Variants in AP2B1 observed in about 807,000 individuals in gnomAD.
AP2B1 encodes the protein adaptor related protein complex 2 subunit beta 1, also known as AP-2 complex subunit beta.
In AP2B1, 23 loss-of-function variants were observed where a neutral mutation model predicts 102.0. That is an observed-to-expected ratio of 0.23 (90% CI 0.16 to 0.32). The LOEUF (loss-of-function observed/expected upper bound fraction) is 0.32. AP2B1 is among the 10% of genes least tolerant of loss of function. The probability of loss-of-function intolerance (pLI) is 1.00; values close to 1 mark genes in which losing one functional copy is unlikely to be tolerated. For missense variants in AP2B1, 541 were observed against 1,157.4 expected, an observed-to-expected ratio of 0.47 and a Z score of 7.73; for synonymous variants, 381 against 421.2, an observed-to-expected ratio of 0.90 and a Z score of 1.17.
intron 12 of AP2B1, among the ~76,000 whole-genome samples, chr17:35,645,799 A>C (rs888819032): frequency 2.0e-5 from 3 of 152,220 alleles, no homozygotes; most frequent in Non-Finnish European, 4.4e-5. Context: ...CAGTGAGCCA[A>C]GATCGTGCCA....
At chr17:35,610,633 T>C (rs529356896) in intron 5 of AP2B1, among the ~76,000 whole-genome samples, 53 of 151,554 alleles carry the variant, frequency 3.5e-4, no homozygotes, top group Admixed American at 1.3e-3. Flanking sequence ...TGGGGCCGGG[T>C]GCAGTGGCTC....
intron 18 of AP2B1, among the ~76,000 whole-genome samples, chr17:35,708,045 C>G (rs1327554394): frequency 6.6e-6 from 1 of 152,126 alleles, no homozygotes; most frequent in Non-Finnish European, 1.5e-5. Context: ...ACTGGAAGTA[C>G]TTTAGAAAGA....
chr17:35,629,388 T>G (rs1387343563), intron 9 of AP2B1, among the ~76,000 whole-genome samples: 1 of 152,190 alleles, frequency 6.6e-6, no homozygotes, highest in Middle Eastern at 3.2e-3. Context: ...GTCCTCTGTC[T>G]TCTTGTTTTT....
chr17:35,594,040 T>TC lies in AP2B1; in HGVS notation c.12dup (p.Lys5GlnfsTer7). On this transcript the variant is annotated frameshift_variant, in exon 2 of 22. Coordinates refer to ENST00000610402, the MANE Select transcript of AP2B1 (RefSeq NM_001030006.2). LOFTEE classifies it high-confidence loss of function. ...TTAAAGATCCAAAGTCATGACTGAC[T>TC]CCAAGTATTTCACAACCAATAAAAA... 1 of 1,591,662 alleles carries TC rather than the reference T, an allele frequency of 6.3e-7. No homozygotes were observed. Among genetic ancestry groups the TC allele is most frequent in the East Asian group, 2.3e-5 (1 of 43,910 alleles).
intron 5 of AP2B1, among the ~76,000 whole-genome samples, chr17:35,612,940 T>G (rs566224324): frequency 6.6e-6 from 1 of 151,578 alleles, no homozygotes; most frequent in Non-Finnish European, 1.5e-5. Flanking sequence ...GTGTTTACGT[T>G]TGAATACATA....
At chr17:35,661,426 A>C (rs531984640) in intron 14 of AP2B1, among the ~76,000 whole-genome samples, 1 of 152,222 alleles carries the variant, frequency 6.6e-6, no homozygotes, top group African/African-American at 2.4e-5. Flanking sequence ...CTGATCTCTA[A>C]GCCAAGACAG....
chr17:35,653,664 T>C (rs963365702), intron 13 of AP2B1, among the ~76,000 whole-genome samples: 2 of 152,028 alleles, frequency 1.3e-5, no homozygotes, highest in Non-Finnish European at 2.9e-5. Context: ...TTAGTAGAGG[T>C]AGGGTTTCAC....
At chr17:35,636,113 T>C (rs566680733) in intron 9 of AP2B1, among the ~76,000 whole-genome samples, 2 of 152,304 alleles carry the variant, frequency 1.3e-5, no homozygotes, top group Non-Finnish European at 2.9e-5. Flanking sequence ...CATCCTTTTG[T>C]TTGTATTCAA....
intron 13 of AP2B1, chr17:35,651,131 A>G (rs2075075718): frequency 4.8e-6 from 1 of 206,540 alleles, no homozygotes; most frequent in African/African-American, 2.3e-5. Flanking sequence ...ACTAGAAATA[A>G]CCCCATAGTT....
chr17:35,647,651 C>G (rs2074971980), intron 12 of AP2B1, among the ~76,000 whole-genome samples: 2 of 151,828 alleles, frequency 1.3e-5, no homozygotes, highest in South Asian at 4.2e-4. Flanking sequence ...CGTCTTTAAC[C>G]ACCAATCCAT....
chr17:35,588,755 T>A (rs2072987098), intron 1 of AP2B1: 1 of 152,220 alleles, frequency 6.6e-6, no homozygotes, highest in Non-Finnish European at 1.5e-5. Context: ...TTGCAGTATC[T>A]TAGCCGTTGA....
chr17:35,601,859 C>T (rs908149280), intron 3 of AP2B1, among the ~76,000 whole-genome samples: 65 of 151,266 alleles, frequency 4.3e-4, no homozygotes, highest in African/African-American at 1.6e-3. Context: ...CTCACTGCAA[C>T]CCCCGACTCC....
intron 10 of AP2B1, among the ~76,000 whole-genome samples, chr17:35,637,077 A>T (rs1337460604): frequency 6.6e-6 from 1 of 152,242 alleles, no homozygotes. Context: ...ATGAAGCAAA[A>T]ATACTTTTTA....
At chr17:35,618,878 T>G (rs1390990279) in intron 5 of AP2B1, among the ~76,000 whole-genome samples, 3 of 152,234 alleles carry the variant, frequency 2.0e-5, no homozygotes, top group Non-Finnish European at 4.4e-5. Context: ...TTTCCCTCCC[T>G]AAGTACTGTA....
intron 7 of AP2B1, 100 bp downstream of exon 7, chr17:35,626,942 A>T (rs1334742190): frequency 1.7e-6 from 2 of 1,165,730 alleles, no homozygotes; most frequent in African/African-American, 3.1e-5. Context: ...TTTTTAATAT[A>T]TGGAAATGAA....
At position 35,651,001 on chromosome 17, in the gene AP2B1, A is replaced by T; in HGVS notation, c.1796+212A>T. On this transcript the variant is annotated intron_variant, in intron 13 of 21. Coordinates refer to ENST00000610402, the MANE Select transcript of AP2B1 (RefSeq NM_001030006.2). ...TCTGAATACCAGTGACCACACATAA[A>T]ATCGGTGAAAGACTCCTCTGTGTTC... 5.6e-6 allele frequency: 3 copies of T among 534,946 alleles called. No individual in the cohort carries two copies. In the South Asian group the frequency reaches 7.6e-5, roughly 14 times the overall value. The allele number at this position is 534,946 out of a possible 1,614,324, so 33.1% of individuals were successfully genotyped here.
intron 20 of AP2B1, among the ~76,000 whole-genome samples, chr17:35,711,183 CTT>C (rs1241542957): frequency 6.6e-6 from 1 of 152,166 alleles, no homozygotes; most frequent in African/African-American, 2.4e-5. Flanking sequence ...CTCTCTTTCT[CTT>C]TAGAGCTCTT....
At chr17:35,713,118 A>G (rs587747598) in intron 20 of AP2B1, among the ~76,000 whole-genome samples, 1 of 152,372 alleles carries the variant, frequency 6.6e-6, no homozygotes, top group East Asian at 1.9e-4. Flanking sequence ...ATCTTATCAA[A>G]GAGGAAGTGT....
chr17:35,613,200 C>T (rs1304476185), intron 5 of AP2B1, among the ~76,000 whole-genome samples: 1 of 149,530 alleles, frequency 6.7e-6, no homozygotes, highest in Non-Finnish European at 1.5e-5. Flanking sequence ...GGGGTTGTGC[C>T]TTAGTAGTTT....
Sources: allele counts gnomAD v4.1 joint callset (sites outside exome capture counted in the v4.1 genomes callset), GRCh38; gene constraint gnomAD v4.1.1; transcripts MANE v1.5; gene names NCBI Gene and HGNC (gene_info 2026-07-23, HGNC 2026-07-21).